The following NUDCD1 variants were observed in gnomAD, a reference collection of about 807,000 sequenced individuals.
NUDCD1 encodes nudC domain-containing protein 1.
A neutral mutation model predicts 67.8 loss-of-function variants in NUDCD1; 60 were observed. The ratio of observed to expected loss-of-function variants is 0.88; its 90% CI spans 0.72 to 1.10. NUDCD1 has a LOEUF of 1.10. NUDCD1 is among the 50% of genes least tolerant of loss of function. The probability of loss-of-function intolerance (pLI) is 0.00; values close to 1 mark genes in which losing one functional copy is unlikely to be tolerated. For missense variants in NUDCD1, 643 were observed against 695.0 expected (o/e 0.93, Z 0.84); for synonymous variants, 244 against 230.8 (o/e 1.06, Z -0.52).
At chr8:109,326,225 T>C (rs576734030) in intron 1 of NUDCD1, among the ~76,000 whole-genome samples, 47 of 152,172 alleles carry the variant, frequency 3.1e-4, no homozygotes, top group Non-Finnish European at 5.6e-4. Context: ...TCCAACAAAA[T>C]AATTTATATA....
intron 5 of NUDCD1, among the ~76,000 whole-genome samples, chr8:109,286,507 G>A (rs189633616): frequency 6.6e-6 from 1 of 152,104 alleles, no homozygotes; most frequent in Non-Finnish European, 1.5e-5. Context: ...CTTTGATAAA[G>A]GCAGCAAAAA....
At position 109,243,207 on chromosome 8, in the gene NUDCD1, G is replaced by A. The variant is rs763525633; in HGVS notation, c.1554C>T (p.Phe518=). The A allele has an allele frequency of 1.2e-6, 2 of 1,613,652 alleles. No individual in the cohort carries two copies. Among genetic ancestry groups the A allele is most frequent in the South Asian group, 2.2e-5 (2 of 91,042 alleles). The part of the protein sequence containing the change: ...AALCECLRRV[F]IYRQPAPMST... ...ACATGGGAGCAGGCTGACGATAGAT[G>A]AATACTCGACGAAGGCACTCACAAA... The change falls in exon 10 of 10, where the codon TTC becomes TTT. Residue 518 remains phenylalanine (F), a synonymous_variant. Transcript: ENST00000239690.
intron 6 of NUDCD1, among the ~76,000 whole-genome samples, chr8:109,277,146 C>G (rs574325921): frequency 2.0e-5 from 3 of 152,164 alleles, no homozygotes; most frequent in African/African-American, 7.2e-5. Context: ...ATTATCATCA[C>G]CATTTTACAA....
chr8:109,322,447 T>C lies in NUDCD1; in HGVS notation c.135A>G (p.Lys45=), dbSNP rs1362471373. The C allele has an allele frequency of 6.3e-7, 1 of 1,590,626 alleles. No individual in the cohort carries two copies. The highest frequency in any genetic ancestry group is 2.2e-5 in the East Asian group (1 of 44,618). Residue 45 remains lysine, a synonymous_variant, in exon 2 of 10, where the codon AAA becomes AAG. Coordinates refer to ENST00000239690, the MANE Select transcript of NUDCD1 (RefSeq NM_032869.4). ...LELDAAVAEV[K]LRDDQYTLEH... ...CCAGTGTATATTGATCATCTCGAAG[T>C]TTTACCTCTGCCACAGCTGAAATAC... is the stretch of plus-strand genomic sequence containing the variant.
intron 8 of NUDCD1, among the ~76,000 whole-genome samples, chr8:109,256,940 C>G (rs1813754216): frequency 6.6e-6 from 1 of 151,862 alleles, no homozygotes. Flanking sequence ...GACACCATAA[C>G]TAAGCACTTA....
intron 1 of NUDCD1, chr8:109,330,036 G>T (rs932948292): frequency 1.6e-6 from 1 of 621,420 alleles, no homozygotes; most frequent in Non-Finnish European, 2.4e-6. Context: ...ATGAAAGAAT[G>T]AAGTATGAAT....
At position 109,333,950 on chromosome 8, in the gene NUDCD1, C is replaced by G. The variant is rs138843900; in HGVS notation, c.61G>C (p.Glu21Gln). 1 of 1,614,166 alleles carries G rather than the reference C, an allele frequency of 6.2e-7. No homozygotes were observed. Among genetic ancestry groups the G allele is most frequent in the African/African-American group, 1.3e-5 (1 of 75,064 alleles). ...GGCTCAAGAGAGAGCTTGTAACCCTCGAAGCGGGGATCCAACAGAGGTCTC... is the reference window on the plus strand; with the variant it reads ...GGCTCAAGAGAGAGCTTGTAACCCTGGAAGCGGGGATCCAACAGAGGTCTC... The part of the protein sequence containing the change: ...VKRPLLDPRF[E>Q]GYKLSLEPLP... The change falls in exon 1 of 10, where the codon GAG becomes CAG. Residue 21 changes from glutamate (E) to glutamine (Q), a missense_variant. Transcript: ENST00000239690.
intron 2 of NUDCD1, among the ~76,000 whole-genome samples, chr8:109,320,144 T>C (rs146009216): frequency 0.037 from 5,634 of 152,288 alleles, 169 homozygotes; most frequent in South Asian, 0.067. Context: ...TCAGGCACCA[T>C]TGTCATTGAT....
At chr8:109,314,391 A>C (rs1211127866) in intron 2 of NUDCD1, among the ~76,000 whole-genome samples, 1 of 152,158 alleles carries the variant, frequency 6.6e-6, no homozygotes, top group Non-Finnish European at 1.5e-5. Context: ...ATTTATCACC[A>C]AACTCTATGA....
intron 7 of NUDCD1, among the ~76,000 whole-genome samples, chr8:109,272,904 T>G (rs572389590): frequency 1.3e-4 from 20 of 152,266 alleles, no homozygotes; most frequent in African/African-American, 4.6e-4. Flanking sequence ...TTGTGCACAG[T>G]GACTCAAGGA....
intron 2 of NUDCD1, among the ~76,000 whole-genome samples, chr8:109,319,326 C>G (rs553960952): frequency 7.2e-5 from 11 of 152,276 alleles, no homozygotes; most frequent in African/African-American, 2.6e-4. Flanking sequence ...CACTCACTTG[C>G]TTATAAACTG....
intron 1 of NUDCD1, among the ~76,000 whole-genome samples, chr8:109,330,772 C>T (rs1815786823): frequency 6.6e-6 from 1 of 152,200 alleles, no homozygotes; most frequent in African/African-American, 2.4e-5. Flanking sequence ...CTGTCCTCAA[C>T]AAACCAACGA....
intron 5 of NUDCD1, among the ~76,000 whole-genome samples, chr8:109,284,625 C>A (rs574672151): frequency 1.2e-4 from 18 of 152,006 alleles, no homozygotes; most frequent in African/African-American, 3.9e-4. Context: ...CCAAGAAGAT[C>A]TCTCAAAAAC....
intron 4 of NUDCD1, among the ~76,000 whole-genome samples, chr8:109,292,076 T>C (rs975497043): frequency 2.4e-4 from 36 of 152,232 alleles, no homozygotes; most frequent in African/African-American, 6.5e-4. Context: ...ATTGTTAAAA[T>C]AGTAATATTT....
intron 2 of NUDCD1, among the ~76,000 whole-genome samples, chr8:109,313,160 T>A (rs1815296156): frequency 6.6e-6 from 1 of 152,176 alleles, no homozygotes; most frequent in Non-Finnish European, 1.5e-5. Flanking sequence ...GTGGTTCCCA[T>A]GGTATGTGTT....
chr8:109,329,581 A>C (rs2130155702), intron 1 of NUDCD1, among the ~76,000 whole-genome samples: 1 of 152,304 alleles, frequency 6.6e-6, no homozygotes, highest in Non-Finnish European at 1.5e-5. Flanking sequence ...GAAAGAAAAA[A>C]CTGTCAACCT....
At position 109,275,464 on chromosome 8, in the gene NUDCD1, C is replaced by T; in HGVS notation, c.1061G>A (p.Gly354Glu). Residue 354 changes from glycine (G) to glutamate (E), a missense_variant, in exon 7 of 10, where the codon GGA (glycine) becomes GAA (glutamate). By Grantham distance (98) the Gly-to-Glu change is moderately conservative (BLOSUM62 -2). Coordinates refer to ENST00000239690, the MANE Select transcript of NUDCD1 (RefSeq NM_032869.4). ...LEISLIKKNEGLTWPELVIGD... is the reference protein window; with the variant it reads ...LEISLIKKNEELTWPELVIGD... ...AATTACTAGCTCTGGCCAGGTCAGT[C>T]CTTCATTCTTCTTAATCAAGGAAAT... The T allele has an allele frequency of 1.6e-5, 26 of 1,612,632 alleles. No homozygotes were observed. Among genetic ancestry groups the T allele is most frequent in the Non-Finnish European group, 2.2e-5 (26 of 1,179,334 alleles).
Position 109,255,867 on chromosome 8 carries a change from T to C in NUDCD1, c.1300-10386A>G, listed in dbSNP as rs756005310. ...ATGCAAAGACTCTAAGGGAACAGCA[T>C]GTTTCAGCAGGTTTGAAGAACAGCA... On this transcript the variant is annotated intron_variant, in intron 8 of 9. Transcript: ENST00000239690. Among the ~76,000 whole-genome samples the C allele has an allele frequency of 3.9e-5, 6 of 152,264 alleles. No individual in the cohort carries two copies. The South Asian group carries it at 6.2e-4, about 16-fold the overall frequency.
chr8:109,252,339 G>GAACCA (rs1287877689), intron 8 of NUDCD1, among the ~76,000 whole-genome samples: 2 of 152,036 alleles, frequency 1.3e-5, no homozygotes, highest in African/African-American at 4.8e-5. Context: ...GCATAGAGAT[G>GAACCA]GTGTTTTGAG....
Sources: allele counts gnomAD v4.1 joint callset (sites outside exome capture counted in the v4.1 genomes callset), GRCh38; gene constraint gnomAD v4.1.1; transcripts MANE v1.5; gene names NCBI Gene and HGNC (gene_info 2026-07-23, HGNC 2026-07-21).